The following HS3ST4 variants were observed in gnomAD, a reference collection of about 807,000 sequenced individuals.
HS3ST4 encodes heparan sulfate-glucosamine 3-sulfotransferase 4, also known as heparan sulfate glucosamine 3-O-sulfotransferase 4.
A neutral mutation model predicts 29.2 loss-of-function variants in HS3ST4; 17 were observed. The observed-to-expected ratio is 0.58, with a 90% CI of 0.40 to 0.87. The LOEUF is 0.87. HS3ST4 is among the 40% of genes least tolerant of loss of function. The probability of loss-of-function intolerance (pLI) is 0.00; values close to 1 mark genes in which losing one functional copy is unlikely to be tolerated. For missense variants in HS3ST4, 627 were observed against 634.5 expected (o/e 0.99, Z 0.13); for synonymous variants, 314 against 285.7 (o/e 1.10, Z -1.00).
intron 1 of HS3ST4, among the ~76,000 whole-genome samples, chr16:25,874,919 A>G (rs1382968248): frequency 1.3e-5 from 2 of 152,178 alleles, no homozygotes; most frequent in Non-Finnish European, 2.9e-5. Flanking sequence ...TTATCTGTAC[A>G]TGGGATTAAT....
At chr16:25,881,437 C>T (rs1279436187) in intron 1 of HS3ST4, among the ~76,000 whole-genome samples, 1 of 152,170 alleles carries the variant, frequency 6.6e-6, no homozygotes, top group Non-Finnish European at 1.5e-5. Flanking sequence ...TAAGATGAAA[C>T]TGTCCTTAGA....
intron 1 of HS3ST4, among the ~76,000 whole-genome samples, chr16:25,977,850 G>T (rs1335578392): frequency 6.6e-6 from 1 of 152,202 alleles, no homozygotes; most frequent in Non-Finnish European, 1.5e-5. Flanking sequence ...GTGCCCTGCT[G>T]TGTCCAGTAC....
chr16:26,078,294 C>T (rs926969201), intron 1 of HS3ST4, among the ~76,000 whole-genome samples: 3 of 152,058 alleles, frequency 2.0e-5, no homozygotes, highest in African/African-American at 7.2e-5. Context: ...GCGCCCACGA[C>T]CACATCCAGA....
chr16:25,859,132 C>T (rs1162023337), intron 1 of HS3ST4, among the ~76,000 whole-genome samples: 1 of 152,060 alleles, frequency 6.6e-6, no homozygotes, highest in Non-Finnish European at 1.5e-5. Context: ...GACACTTGTT[C>T]TAAAAATCAC....
chr16:26,008,184 C>T (rs1030710488), intron 1 of HS3ST4, among the ~76,000 whole-genome samples: 3 of 152,146 alleles, frequency 2.0e-5, no homozygotes, highest in African/African-American at 4.8e-5. Flanking sequence ...CAAAGCAAGA[C>T]GCTTTTATAC....
intron 1 of HS3ST4, among the ~76,000 whole-genome samples, chr16:25,945,008 GA>G (rs1968611391): frequency 6.6e-6 from 1 of 151,990 alleles, no homozygotes; most frequent in South Asian, 2.1e-4. Flanking sequence ...ATCCTCTGTG[GA>G]AAACAAAACA....
At position 26,073,758 on chromosome 16, in the gene HS3ST4, G is replaced by A. The variant is rs149601239; in HGVS notation, c.735-61854G>A. Among the ~76,000 whole-genome samples, 280 of 152,314 alleles carry A rather than the reference G, an allele frequency of 1.8e-3. 3 individuals carry two copies. Among genetic ancestry groups the A allele is most frequent in the African/African-American group, 6.6e-3 (273 of 41,560 alleles). ...TGTTTGCTATTCTGTCAAAGAGATA[G>A]TGCAGTATTGGGGATATGGTACCAA... On this transcript the variant is annotated intron_variant, in intron 1 of 1. Coordinates refer to ENST00000331351, the MANE Select transcript of HS3ST4 (RefSeq NM_006040.3).
At chr16:25,944,405 T>C (rs1968605630) in intron 1 of HS3ST4, among the ~76,000 whole-genome samples, 1 of 152,208 alleles carries the variant, frequency 6.6e-6, no homozygotes, top group Non-Finnish European at 1.5e-5. Flanking sequence ...CACCTGCACA[T>C]GGTTGGGGTT....
chr16:26,133,756 ATAAAT>A (rs1290406465), intron 1 of HS3ST4, among the ~76,000 whole-genome samples: 1 of 152,244 alleles, frequency 6.6e-6, no homozygotes, highest in Non-Finnish European at 1.5e-5. Context: ...GCGATAGTAA[ATAAAT>A]TTAATTATGG....
chr16:26,101,589 A>G (rs1051700626), intron 1 of HS3ST4, among the ~76,000 whole-genome samples: 3 of 152,248 alleles, frequency 2.0e-5, no homozygotes, highest in African/African-American at 7.2e-5. Flanking sequence ...ATTAACAATC[A>G]GAATTTCCCT....
At chr16:25,900,843 C>T (rs1452722772) in intron 1 of HS3ST4, among the ~76,000 whole-genome samples, 1 of 152,092 alleles carries the variant, frequency 6.6e-6, no homozygotes, top group Non-Finnish European at 1.5e-5. Flanking sequence ...CCACTATACC[C>T]TGCAAAATAA....
At chr16:25,798,323 T>G (rs564452349) in intron 1 of HS3ST4, among the ~76,000 whole-genome samples, 4 of 152,322 alleles carry the variant, frequency 2.6e-5, no homozygotes, top group Non-Finnish European at 2.9e-5. Flanking sequence ...ATCTCTGGCT[T>G]ACAACCACAA....
At chr16:26,123,709 T>C (rs1899305982) in intron 1 of HS3ST4, among the ~76,000 whole-genome samples, 1 of 152,128 alleles carries the variant, frequency 6.6e-6, no homozygotes, top group Non-Finnish European at 1.5e-5. Context: ...CATTATTCAT[T>C]CTTATGGCTT....
chr16:26,055,617 C>T (rs749905850), intron 1 of HS3ST4, among the ~76,000 whole-genome samples: 70 of 152,242 alleles, frequency 4.6e-4, no homozygotes, highest in Non-Finnish European at 8.1e-4. Flanking sequence ...AAAAGTTTCC[C>T]GCATAATAAT....
chr16:25,926,867 C>T (rs1012732461), intron 1 of HS3ST4, among the ~76,000 whole-genome samples: 2 of 152,112 alleles, frequency 1.3e-5, no homozygotes, highest in Admixed American at 6.5e-5. Context: ...GGTCTGTATC[C>T]TTTAGATTTC....
intron 1 of HS3ST4, among the ~76,000 whole-genome samples, chr16:25,709,637 T>C (rs1966402913): frequency 6.6e-6 from 1 of 151,990 alleles, no homozygotes; most frequent in South Asian, 2.1e-4. Flanking sequence ...AAAATCTCCC[T>C]GTCTAGGTCT....
At chr16:25,920,829 G>A (rs1382331399) in intron 1 of HS3ST4, among the ~76,000 whole-genome samples, 1 of 151,926 alleles carries the variant, frequency 6.6e-6, no homozygotes, top group Non-Finnish European at 1.5e-5. Flanking sequence ...TGTTGCCCAG[G>A]CTGGTCTCGA....
intron 1 of HS3ST4, among the ~76,000 whole-genome samples, chr16:26,118,117 G>T (rs1433405724): frequency 6.6e-6 from 1 of 152,214 alleles, no homozygotes; most frequent in Admixed American, 6.5e-5. Context: ...CCACTCTGGA[G>T]TGCAGTGGTG....
At position 26,136,179 on chromosome 16, in the gene HS3ST4, C is replaced by T. The variant is rs1177299797; in HGVS notation, c.1302C>T (p.Pro434=). 1 of 1,613,188 alleles carries T rather than the reference C, an allele frequency of 6.2e-7. No individual in the cohort carries two copies. The highest frequency in any genetic ancestry group is 8.5e-7 in the Non-Finnish European group (1 of 1,179,664). ...VIHRLRKFYK[P]FNLMFYQMTG... ...ACAGACTGAGGAAATTCTACAAACC[C>T]TTCAACTTGATGTTTTACCAAATGA... Residue 434 remains proline (P), a synonymous_variant, in exon 2 of 2, where the codon CCC becomes CCT. Transcript: ENST00000331351.
Sources: gnomAD v4.1 joint callset for allele counts (sites outside exome capture counted in the v4.1 genomes callset) on GRCh38, gnomAD v4.1.1 for gene constraint, MANE v1.5 for transcripts, NCBI Gene and HGNC (gene_info 2026-07-23, HGNC 2026-07-21) for gene names.